PRKCH: variants seen among roughly 807,000 people sequenced by gnomAD.
PRKCH encodes the protein protein kinase C eta.
PRKCH carries 28 observed loss-of-function variants against 82.5 expected under a neutral mutation model. The observed-to-expected ratio is 0.34, with a 90% confidence interval of 0.25 to 0.47. The LOEUF (loss-of-function observed/expected upper bound fraction) is 0.47, where lower values mean the gene tolerates loss of function less well. Among genes scored for constraint, PRKCH ranks in the 20% least tolerant of loss-of-function variants. The pLI is 1.00. For missense variants in PRKCH, 705 were observed against 881.8 expected (o/e 0.80, Z 2.54); for synonymous variants, 322 against 327.4 (o/e 0.98, Z 0.18).
chr14:61,253,734 G>C (rs116651623), intron 1 of PRKCH, among the ~76,000 whole-genome samples: 1 of 152,032 alleles, frequency 6.6e-6, no homozygotes, highest in Non-Finnish European at 1.5e-5. Flanking sequence ...ATTAGGCAAC[G>C]GTGCGCAAGT....
intron 10 of PRKCH, among the ~76,000 whole-genome samples, chr14:61,493,104 T>A (rs1886525948): frequency 1.3e-5 from 2 of 152,068 alleles, no homozygotes; most frequent in African/African-American, 4.8e-5. Context: ...TTACTGTTCT[T>A]GAGATGTTTG....
intron 1 of PRKCH, among the ~76,000 whole-genome samples, chr14:61,388,741 A>G (rs775924102): frequency 1.3e-5 from 2 of 152,146 alleles, no homozygotes; most frequent in Non-Finnish European, 1.5e-5. Context: ...AGAGAGCTCT[A>G]TTTTCAGAGC....
At chr14:61,244,909 C>T (rs528470557) in intron 1 of PRKCH, among the ~76,000 whole-genome samples, 10 of 152,278 alleles carry the variant, frequency 6.6e-5, no homozygotes, top group East Asian at 3.9e-4. Flanking sequence ...CCTAATAAAA[C>T]GAAGGAATGT....
At chr14:61,514,443 T>G (rs1457310668) in intron 10 of PRKCH, among the ~76,000 whole-genome samples, 1 of 152,096 alleles carries the variant, frequency 6.6e-6, no homozygotes, top group East Asian at 1.9e-4. Context: ...CTTGAAGGAT[T>G]GACGCCTGGT....
At chr14:61,237,839 C>T (rs901397624) in intron 1 of PRKCH, among the ~76,000 whole-genome samples, 3 of 152,212 alleles carry the variant, frequency 2.0e-5, no homozygotes, top group Non-Finnish European at 4.4e-5. Flanking sequence ...TGGGCACTTG[C>T]GGTCAGGCCT....
intron 2 of PRKCH, among the ~76,000 whole-genome samples, chr14:61,414,442 T>C (rs2140237087): frequency 6.6e-6 from 1 of 152,100 alleles, no homozygotes; most frequent in East Asian, 1.9e-4. Context: ...CCAGCTAATT[T>C]TTGTATTTTT....
chr14:61,411,742 C>G (rs1275971376), intron 2 of PRKCH, among the ~76,000 whole-genome samples: 1 of 152,160 alleles, frequency 6.6e-6, no homozygotes, highest in East Asian at 1.9e-4. Flanking sequence ...GGATACAGTA[C>G]TAGAGAAGAG....
chr14:61,469,262 CT>C (rs1885394354), intron 9 of PRKCH, among the ~76,000 whole-genome samples: 1 of 152,096 alleles, frequency 6.6e-6, no homozygotes, highest in South Asian at 2.1e-4. Context: ...AAAACTCATT[CT>C]AATTAGGAAG....
intron 2 of PRKCH, chr14:61,442,415 G>A (rs1884019219): frequency 6.6e-6 from 1 of 152,134 alleles, no homozygotes; most frequent in African/African-American, 2.4e-5. Context: ...TTTAGTTTGC[G>A]AGGATACCAG....
chr14:61,230,483 TC>T (rs1180889415), intron 1 of PRKCH, among the ~76,000 whole-genome samples: 1 of 152,230 alleles, frequency 6.6e-6, no homozygotes, highest in Non-Finnish European at 1.5e-5. Context: ...CATTTAGTCC[TC>T]AAATGCAATA....
At chr14:61,436,798 C>G (rs565932710) in intron 2 of PRKCH, among the ~76,000 whole-genome samples, 2 of 152,256 alleles carry the variant, frequency 1.3e-5, no homozygotes, top group South Asian at 2.1e-4. Flanking sequence ...TTCCAAAGTG[C>G]TGGGATTACA....
intron 1 of PRKCH, chr14:61,305,245 T>C (rs1424610966): frequency 1.3e-5 from 2 of 152,120 alleles, no homozygotes; most frequent in African/African-American, 4.8e-5. Flanking sequence ...AGCACAGTGG[T>C]ACAATCAGAG....
chr14:61,449,582 GC>G (rs1884389839), intron 5 of PRKCH, among the ~76,000 whole-genome samples: 1 of 152,092 alleles, frequency 6.6e-6, no homozygotes, highest in Non-Finnish European at 1.5e-5. Context: ...GAGACTTTTG[GC>G]AGAGTGAAAG....
At chr14:61,343,447 A>G (rs2045954149) in intron 1 of PRKCH, among the ~76,000 whole-genome samples, 1 of 152,102 alleles carries the variant, frequency 6.6e-6, no homozygotes, top group Non-Finnish European at 1.5e-5. Context: ...ATGGAACTAT[A>G]AAAGGACTGG....
chr14:61,413,427 A>T (rs1157632185), intron 2 of PRKCH, among the ~76,000 whole-genome samples: 1 of 42,466 alleles, frequency 2.4e-5, no homozygotes, highest in Non-Finnish European at 4.9e-5. Flanking sequence ...CCGCCCATGT[A>T]CCCTGTGCCT....
chr14:61,389,046 C>G (rs916189728), intron 1 of PRKCH, among the ~76,000 whole-genome samples: 1 of 152,098 alleles, frequency 6.6e-6, no homozygotes, highest in African/African-American at 2.4e-5. Context: ...TGGGTAGATA[C>G]AATAAATTTT....
rs1422818774 is a variant in PRKCH, at chr14:61,369,964, TTTTA to T, written c.364-21257_364-21254del. Reference sequence around the variant, plus strand: ...TGTATGTATGGTTTTTTATTTTTATTTTTATTTCTTTTTGAGACAGAGTCTTGCT... The same window carrying T: ...TGTATGTATGGTTTTTTATTTTTATTTTTCTTTTTGAGACAGAGTCTTGCT... On this transcript the variant is annotated intron_variant, in intron 1 of 13. Transcript: ENST00000332981. 1.3e-5 allele frequency among the ~76,000 whole-genome samples: 2 copies of T among 152,014 alleles called. 1 individual carries two copies. The highest frequency in any genetic ancestry group is 4.8e-5 in the African/African-American group (2 of 41,272).
At chr14:61,313,123 G>A (rs1471203848) in intron 1 of PRKCH, among the ~76,000 whole-genome samples, 1 of 152,214 alleles carries the variant, frequency 6.6e-6, no homozygotes, top group African/African-American at 2.4e-5. Flanking sequence ...TGGTCACTGA[G>A]TATACCAGAG....
chr14:61,248,792 GTATGTA>G (rs375647682), intron 1 of PRKCH, among the ~76,000 whole-genome samples: 20,683 of 113,998 alleles, frequency 0.18, 1,825 homozygotes, highest in African/African-American at 0.39. Flanking sequence ...ATGTATGTAT[GTATGTA>G]TGTGTGTGTG....
Sources: gnomAD v4.1 joint callset for allele counts (sites outside exome capture counted in the v4.1 genomes callset) on GRCh38, gnomAD v4.1.1 for gene constraint, MANE v1.5 for transcripts, NCBI Gene and HGNC (gene_info 2026-07-23, HGNC 2026-07-21) for gene names.